Variants in CNGB3 observed in about 807,000 individuals in gnomAD.
CNGB3 encodes cyclic nucleotide-gated channel beta-3.
A neutral mutation model predicts 92.8 loss-of-function variants in CNGB3; 86 were observed. The observed-to-expected ratio is 0.93, with a 90% CI of 0.78 to 1.11. The LOEUF is 1.11. Ranked by LOEUF, CNGB3 falls within the 50% of genes least tolerant of loss-of-function variation. The pLI is 0.00. For missense variants in CNGB3, 1,026 were observed against 956.8 expected (o/e 1.07, Z -0.95); for synonymous variants, 333 against 332.7 (o/e 1.00, Z -0.01).
At chr8:86,732,451 T>A (rs554199985) in intron 2 of CNGB3, among the ~76,000 whole-genome samples, 2 of 152,228 alleles carry the variant, frequency 1.3e-5, no homozygotes, top group South Asian at 4.2e-4. Context: ...ATGAGAGCAG[T>A]CCAGAGTAGA....
intron 2 of CNGB3, among the ~76,000 whole-genome samples, chr8:86,728,736 G>A (rs559509350): frequency 3.3e-5 from 5 of 152,144 alleles, no homozygotes; most frequent in South Asian, 2.1e-4. Flanking sequence ...AAAGGAGTCC[G>A]GACCAAGAAA....
chr8:86,626,816 C>A (rs771590306), intron 12 of CNGB3, among the ~76,000 whole-genome samples: 1 of 151,872 alleles, frequency 6.6e-6, no homozygotes, highest in African/African-American at 2.4e-5. Flanking sequence ...TAAAATGTTC[C>A]GTAAACAAAA....
At chr8:86,660,559 T>C (rs1823619200) in intron 6 of CNGB3, 1 of 534,070 alleles carries the variant, frequency 1.9e-6, no homozygotes, top group Non-Finnish European at 3.8e-6. Flanking sequence ...AATTATAGGA[T>C]TGTTGGGCTC....
At chr8:86,673,713 G>A (rs1279676479) in intron 3 of CNGB3, among the ~76,000 whole-genome samples, 1 of 152,164 alleles carries the variant, frequency 6.6e-6, no homozygotes. Context: ...TATTACAAGA[G>A]ACTAGACTCA....
chr8:86,653,250 T>A (rs897514468), intron 7 of CNGB3, among the ~76,000 whole-genome samples: 9 of 152,092 alleles, frequency 5.9e-5, no homozygotes, highest in Non-Finnish European at 8.8e-5. Flanking sequence ...CTTTGTAGAA[T>A]TCATCAAAGC....
At chr8:86,592,439 A>T (rs1007149734) in intron 15 of CNGB3, among the ~76,000 whole-genome samples, 1 of 152,216 alleles carries the variant, frequency 6.6e-6, no homozygotes. Flanking sequence ...TTTAATACAC[A>T]TAATAATTTT....
At chr8:86,616,444 T>G (rs1822624640) in intron 13 of CNGB3, among the ~76,000 whole-genome samples, 1 of 152,160 alleles carries the variant, frequency 6.6e-6, no homozygotes, top group East Asian at 1.9e-4. Context: ...GTTTGAGAAC[T>G]ATTATTATTC....
intron 14 of CNGB3, among the ~76,000 whole-genome samples, chr8:86,604,684 G>A (rs997305197): frequency 1.3e-5 from 2 of 152,150 alleles, no homozygotes; most frequent in Non-Finnish European, 2.9e-5. Flanking sequence ...AGATCTTTGA[G>A]TTATTATTAG....
intron 10 of CNGB3, among the ~76,000 whole-genome samples, chr8:86,634,898 A>C (rs1823033016): frequency 6.6e-6 from 1 of 152,058 alleles, no homozygotes; most frequent in African/African-American, 2.4e-5. Context: ...TAATATTCAA[A>C]TAAAAACAGA....
intron 15 of CNGB3, among the ~76,000 whole-genome samples, chr8:86,587,622 A>C (rs1220759344): frequency 2.0e-5 from 3 of 151,796 alleles, no homozygotes; most frequent in South Asian, 4.1e-4. Context: ...TGTTTTTCTC[A>C]TGTTTGTCAA....
At chr8:86,730,766 A>G (rs1246850352) in intron 2 of CNGB3, among the ~76,000 whole-genome samples, 1 of 152,226 alleles carries the variant, frequency 6.6e-6, no homozygotes, top group East Asian at 1.9e-4. Context: ...AATAATTTTA[A>G]CTATAATACT....
chr8:86,671,144 T>C (rs775112566), intron 3 of CNGB3, 46 bp from the exon 4 acceptor site: 4 of 1,598,448 alleles, frequency 2.5e-6, no homozygotes, highest in Admixed American at 3.3e-5. Flanking sequence ...CATGAAGAAA[T>C]AGATATAAGG....
At chr8:86,593,760 T>C in intron 15 of CNGB3, 1 of 1,287,846 alleles carries the variant, frequency 7.8e-7, no homozygotes. Context: ...CAGCTCAGGA[T>C]GCCAGGGCAG....
chr8:86,644,720 GTTAGTC>G, intron 8 of CNGB3, 34 bp from the exon 9 acceptor site: 1 of 1,379,866 alleles, frequency 7.2e-7, no homozygotes, highest in Non-Finnish European at 9.8e-7. Flanking sequence ...CCAAAAGCAT[GTTAGTC>G]TTAAATATAT....
At chr8:86,706,302 A>G (rs1050269654) in intron 3 of CNGB3, among the ~76,000 whole-genome samples, 7 of 152,222 alleles carry the variant, frequency 4.6e-5, no homozygotes, top group African/African-American at 1.4e-4. Flanking sequence ...AACAAGACCT[A>G]TTTAAGTCTA....
intron 3 of CNGB3, among the ~76,000 whole-genome samples, chr8:86,672,154 A>C (rs898049863): frequency 6.6e-6 from 1 of 152,124 alleles, no homozygotes; most frequent in Non-Finnish European, 1.5e-5. Flanking sequence ...GCTGGAGTGC[A>C]GTGGTGTGAT....
intron 6 of CNGB3, among the ~76,000 whole-genome samples, chr8:86,662,722 T>C (rs1823666219): frequency 6.6e-6 from 1 of 152,080 alleles, no homozygotes; most frequent in East Asian, 1.9e-4. Flanking sequence ...ATTCGAACAG[T>C]GGGCACAAGC....
chr8:86,735,042 G>GGTTTTTTTTTTTTTTTTTTTTTTT (rs1554618958), intron 2 of CNGB3, among the ~76,000 whole-genome samples: 1 of 85,886 alleles, frequency 1.2e-5, no homozygotes. Context: ...AATGCCGGTG[G>GGTTTTTTTTTTTTTTTTTTTTTTT]TTTTTTTTTT....
At chr8:86,579,388 T>C (rs1015509746) in intron 15 of CNGB3, 136 bp from the exon 16 acceptor site, 2 of 1,024,752 alleles carry the variant, frequency 2.0e-6, no homozygotes, top group Non-Finnish European at 3.0e-6. Flanking sequence ...TCCAGGTGAT[T>C]GTGCAGAGAG....
Sources: gnomAD v4.1 joint callset for allele counts (sites outside exome capture counted in the v4.1 genomes callset) on GRCh38, gnomAD v4.1.1 for gene constraint, MANE v1.5 for transcripts, NCBI Gene and HGNC (gene_info 2026-07-23, HGNC 2026-07-21) for gene names.